The following COL14A1 variants were observed in gnomAD, a reference collection of about 807,000 sequenced individuals.
The protein encoded by COL14A1 is collagen alpha-1(XIV) chain.
In COL14A1, 136 loss-of-function variants were observed where a neutral mutation model predicts 230.3. That is an observed-to-expected ratio of 0.59 (90% CI 0.51 to 0.68). The LOEUF is 0.68. Ranked by LOEUF, COL14A1 falls within the 30% of genes least tolerant of loss-of-function variation. COL14A1 has a pLI of 0.00. For missense variants in COL14A1, 1,976 were observed against 2,215.8 expected (o/e 0.89, Z 2.17); for synonymous variants, 792 against 784.1 (o/e 1.01, Z -0.17).
intron 45 of COL14A1, among the ~76,000 whole-genome samples, chr8:120,350,823 A>C (rs899816539): frequency 6.6e-6 from 1 of 151,780 alleles, no homozygotes; most frequent in African/African-American, 2.4e-5. Flanking sequence ...CATTAGACAG[A>C]TCAACGAGAC....
At chr8:120,178,252 G>C (rs1816350060) in intron 5 of COL14A1, among the ~76,000 whole-genome samples, 1 of 152,056 alleles carries the variant, frequency 6.6e-6, no homozygotes, top group Non-Finnish European at 1.5e-5. Context: ...ACAGGCCCTG[G>C]TGTGTGATGT....
chr8:120,244,794 C>A (rs1408468324), intron 20 of COL14A1, among the ~76,000 whole-genome samples: 3 of 152,184 alleles, frequency 2.0e-5, no homozygotes, highest in Non-Finnish European at 4.4e-5. Flanking sequence ...TGCTTCTACT[C>A]ATGCCATCTC....
intron 47 of COL14A1, among the ~76,000 whole-genome samples, chr8:120,369,711 C>T (rs537481840): frequency 4.6e-5 from 7 of 152,314 alleles, no homozygotes; most frequent in African/African-American, 1.4e-4. Context: ...AAAATAACAG[C>T]ACATCTAAGT....
At chr8:120,218,428 G>A (rs1424745916) in intron 14 of COL14A1, among the ~76,000 whole-genome samples, 2 of 151,506 alleles carry the variant, frequency 1.3e-5, no homozygotes, top group Non-Finnish European at 2.9e-5. Context: ...TCTTGGCTCA[G>A]CCTCCTGAGT....
At chr8:120,322,215 G>A (rs1722288130) in intron 40 of COL14A1, among the ~76,000 whole-genome samples, 1 of 151,016 alleles carries the variant, frequency 6.6e-6, no homozygotes, top group Admixed American at 6.6e-5. Flanking sequence ...ACACACTGGG[G>A]CCTGTTGGGG....
At chr8:120,335,800 G>T (rs938331269) in intron 42 of COL14A1, among the ~76,000 whole-genome samples, 2 of 152,214 alleles carry the variant, frequency 1.3e-5, no homozygotes, top group Admixed American at 6.5e-5. Flanking sequence ...CTTAGGTACG[G>T]TTCCTCCACT....
rs1256677956 is a variant in COL14A1 at position 120,252,049 on chromosome 8, G to T, written c.2752+1283G>T. On this transcript the variant is annotated intron_variant, in intron 22 of 47. Coordinates refer to ENST00000297848, the MANE Select transcript of COL14A1 (RefSeq NM_021110.4). The stretch of plus-strand genomic sequence containing the variant: ...GCAAATAAAAATTGTATATATTCAA[G>T]GTGTAGATACATAGATCTGCAATCT... 3.3e-5 allele frequency among the ~76,000 whole-genome samples: 5 copies of T among 151,780 alleles called. No individual in the cohort carries two copies. In the South Asian group the frequency reaches 1.0e-3, roughly 32 times the overall value.
At chr8:120,246,460 G>A (rs1323147074) in intron 20 of COL14A1, among the ~76,000 whole-genome samples, 9 of 151,120 alleles carry the variant, frequency 6.0e-5, no homozygotes, top group Admixed American at 4.7e-4. Flanking sequence ...TCTAGCATAT[G>A]TTGGTATGTT....
Position 120,193,218 on chromosome 8 carries a change from G to GT in COL14A1, c.437-3568dup, listed in dbSNP as rs1038350677. 2.2e-4 allele frequency among the ~76,000 whole-genome samples: 34 copies of GT among 152,276 alleles called. 1 individual carries two copies. Among genetic ancestry groups the GT allele is most frequent in the Admixed American group, 2.0e-3 (31 of 15,300 alleles). On this transcript the variant is annotated intron_variant, in intron 5 of 47. Coordinates refer to ENST00000297848, the MANE Select transcript of COL14A1 (RefSeq NM_021110.4). ...TTTGATGATGGTGATGTACGGATAG[G>GT]TTTTTGGTGTGGATGTCCTTTCTGT...
intron 5 of COL14A1, among the ~76,000 whole-genome samples, chr8:120,170,621 G>A (rs143053520): frequency 2.1e-3 from 318 of 151,984 alleles, no homozygotes; most frequent in African/African-American, 7.1e-3. Context: ...AATTTCCCTC[G>A]ATGGTATTAG....
chr8:120,285,895 C>G lies in COL14A1; in HGVS notation c.4002C>G (p.Asp1334Glu). The change falls in exon 33 of 48, where the codon GAC becomes GAG. Residue 1334 changes from aspartate (D) to glutamate (E), a missense_variant. This residue lies in a region of COL14A1 where 1,791 missense variants were observed against 2,019.5 expected (regional missense o/e 0.89). Coordinates refer to ENST00000297848, the MANE Select transcript of COL14A1 (RefSeq NM_021110.4). ...GGKTLTYFNY[D>E]QSGDFQTVTF... ...AAACTCTAACATATTTCAACTATGA[C>G]CAGAGTGGGGATTTTCAAACTGTTA... The G allele has an allele frequency of 6.2e-7, 1 of 1,609,662 alleles. No individual in the cohort carries two copies. Among genetic ancestry groups the G allele is most frequent in the East Asian group, 2.2e-5 (1 of 44,804 alleles).
At chr8:120,155,629 G>A (rs1380446851) in intron 2 of COL14A1, among the ~76,000 whole-genome samples, 1 of 152,142 alleles carries the variant, frequency 6.6e-6, no homozygotes, top group African/African-American at 2.4e-5. Context: ...TTTTCCACTT[G>A]ATGGTTCCCC....
intron 9 of COL14A1, among the ~76,000 whole-genome samples, chr8:120,205,920 TC>T: frequency 6.6e-6 from 1 of 152,316 alleles, no homozygotes; most frequent in Admixed American, 6.5e-5. Context: ...CATATTGTAT[TC>T]CCCTTCCACT....
intron 43 of COL14A1, 110 bp from the exon 44 acceptor site, chr8:120,342,270 C>T: frequency 9.0e-7 from 1 of 1,107,982 alleles, no homozygotes; most frequent in Non-Finnish European, 1.4e-6. Context: ...TGCTAGGGGC[C>T]AAAGATCCCT....
At chr8:120,146,913 C>G (rs1025215551) in intron 1 of COL14A1, among the ~76,000 whole-genome samples, 2 of 151,972 alleles carry the variant, frequency 1.3e-5, no homozygotes, top group Admixed American at 1.3e-4. Context: ...TTCAGAATTT[C>G]TCCTCTGTAA....
chr8:120,371,421 CT>C lies in COL14A1; in HGVS notation c.*192del, dbSNP rs1812155808. On this transcript the variant is annotated 3_prime_UTR_variant, in exon 48 of 48. Coordinates refer to ENST00000297848, the MANE Select transcript of COL14A1 (RefSeq NM_021110.4). Reference sequence around the variant, plus strand: ...AAAATATATATTTTTAAAAAGTTCCCTTAATCTATGACATGGTAGCAATGAT... The same window carrying C: ...AAAATATATATTTTTAAAAAGTTCCCTAATCTATGACATGGTAGCAATGAT... The C allele has an allele frequency of 2.5e-6, 1 of 392,556 alleles. No homozygotes were observed. Among genetic ancestry groups the C allele is most frequent in the Non-Finnish European group, 4.5e-6 (1 of 224,292 alleles). The allele number at this position is 392,556 out of a possible 1,614,324, so 24.3% of individuals were successfully genotyped here.
rs148549692 is a variant in COL14A1, at chr8:120,180,075, C to T, written c.436+11828C>T. On this transcript the variant is annotated intron_variant, in intron 5 of 47. Coordinates refer to ENST00000297848, the MANE Select transcript of COL14A1 (RefSeq NM_021110.4). ...ATGGGTTAAAGACTTAAACATAAGA[C>T]CTGAAACCATAAAAACACTAGAAAA... Among the ~76,000 whole-genome samples, 858 of 152,206 alleles carry T rather than the reference C, an allele frequency of 5.6e-3. 6 individuals are homozygous for T. The highest frequency in any genetic ancestry group is 0.019 in the African/African-American group (808 of 41,544).
Position 120,255,783 on chromosome 8 carries a change from G to GTT in COL14A1, c.2869+437_2869+438dup, listed in dbSNP as rs80323709. Among the ~76,000 whole-genome samples the GTT allele has an allele frequency of 4.8e-3, 701 of 146,718 alleles. 7 individuals carry two copies. Among genetic ancestry groups the GTT allele is most frequent in the African/African-American group, 0.015 (621 of 40,266 alleles). Reference sequence around the variant, plus strand: ...GTTTAAATTTAATGTTTTTCTTAGTGTTTTTTTTTTTCTTTTGGGGATAAT... The same window carrying GTT: ...GTTTAAATTTAATGTTTTTCTTAGTGTTTTTTTTTTTTTCTTTTGGGGATAAT... On this transcript the variant is annotated intron_variant, in intron 23 of 47. Coordinates refer to ENST00000297848, the MANE Select transcript of COL14A1 (RefSeq NM_021110.4).
In COL14A1 at chr8:120,177,721, C is replaced by G. The variant is rs981676685; in HGVS notation, c.436+9474C>G. ...ATATATATATATATATACATACACA[C>G]TATATATATAGACTATATATAAATA... On this transcript the variant is annotated intron_variant, in intron 5 of 47. Transcript: ENST00000297848. Among the ~76,000 whole-genome samples, 3 of 132,320 alleles carry G rather than the reference C, an allele frequency of 2.3e-5. No homozygotes were observed. The East Asian group carries it at 6.9e-4, about 31-fold the overall frequency. The allele number at this position is 132,320 out of a possible 152,430, so 86.8% of individuals were successfully genotyped here. A position where few individuals can be genotyped will look rare whatever the true frequency, so the allele number is the denominator to read the frequency against.
Sources: gnomAD v4.1 joint callset for allele counts (sites outside exome capture counted in the v4.1 genomes callset) on GRCh38, gnomAD v4.1.1 for gene constraint, gnomAD v4.1.1 regional missense constraint, MANE v1.5 for transcripts, NCBI Gene and HGNC (gene_info 2026-07-23, HGNC 2026-07-21) for gene names.